GALNT13: variants seen among roughly 807,000 people sequenced by gnomAD.
GALNT13 encodes the protein UDP-GalNAc:polypeptide N-acetylgalactosaminyltransferase 13.
A neutral mutation model predicts 64.2 loss-of-function variants in GALNT13; 28 were observed. The observed-to-expected ratio is 0.44, with a 90% CI of 0.32 to 0.60. The LOEUF is 0.60. Among genes scored for constraint, GALNT13 ranks in the 20% least tolerant of loss-of-function variants. The probability of loss-of-function intolerance (pLI) is 0.05; values close to 1 mark genes in which losing one functional copy is unlikely to be tolerated. For synonymous variants in GALNT13, 214 were observed against 224.6 expected, an observed-to-expected ratio of 0.95 and a Z score of 0.42; for missense variants, 577 against 669.8, an observed-to-expected ratio of 0.86 and a Z score of 1.53.
the GALNT13 span, among the ~76,000 whole-genome samples, chr2:153,603,977 A>G: frequency 6.6e-6 from 1 of 152,004 alleles, no homozygotes; most frequent in Non-Finnish European, 1.5e-5. Context: ...TCCCACAAAT[A>G]CCTTCCGTGT....
intron 11 of GALNT13, among the ~76,000 whole-genome samples, chr2:154,432,945 T>A (rs1264408588): frequency 2.0e-5 from 3 of 152,196 alleles, no homozygotes; most frequent in Non-Finnish European, 4.4e-5. Flanking sequence ...GAGAGATTAG[T>A]TGCCCTCCCT....
At chr2:153,481,896 A>G in the GALNT13 span, among the ~76,000 whole-genome samples, 2 of 152,230 alleles carry the variant, frequency 1.3e-5, no homozygotes, top group African/African-American at 2.4e-5. Flanking sequence ...AAACATTGAA[A>G]GGATATTTAT....
intron 4 of GALNT13, among the ~76,000 whole-genome samples, chr2:154,202,693 TA>T (rs914631994): frequency 1.3e-5 from 2 of 152,120 alleles, no homozygotes; most frequent in East Asian, 1.9e-4. Flanking sequence ...GACACTCTGT[TA>T]AAAAATATTA....
At chr2:153,361,627 T>A in the GALNT13 span, among the ~76,000 whole-genome samples, 1 of 151,798 alleles carries the variant, frequency 6.6e-6, no homozygotes, top group Middle Eastern at 3.2e-3. Flanking sequence ...ATATCAGAGT[T>A]TGAATACCAT....
the GALNT13 span, among the ~76,000 whole-genome samples, chr2:153,490,239 T>C: frequency 6.6e-6 from 1 of 152,210 alleles, no homozygotes; most frequent in Non-Finnish European, 1.5e-5. Flanking sequence ...ATTAATTTAC[T>C]GGAAAATTTT....
the GALNT13 span, among the ~76,000 whole-genome samples, chr2:153,727,653 T>G: frequency 5.8e-4 from 89 of 152,294 alleles, no homozygotes; most frequent in African/African-American, 2.0e-3. Context: ...TTTAGCTATA[T>G]TTTGGGTGTA....
intron 9 of GALNT13, among the ~76,000 whole-genome samples, chr2:154,350,964 A>G (rs1022578516): frequency 6.6e-6 from 1 of 152,138 alleles, no homozygotes; most frequent in Non-Finnish European, 1.5e-5. Context: ...AGAACAGTAA[A>G]CAGTTTGATG....
intron 4 of GALNT13, among the ~76,000 whole-genome samples, chr2:154,238,718 A>T (rs1689324869): frequency 6.6e-6 from 1 of 152,102 alleles, no homozygotes. Context: ...ATTGAGGTAT[A>T]TTTGACAACT....
At chr2:153,677,618 T>C in the GALNT13 span, among the ~76,000 whole-genome samples, 1 of 151,830 alleles carries the variant, frequency 6.6e-6, no homozygotes, top group Non-Finnish European at 1.5e-5. Context: ...CCTAAGCCAA[T>C]GGATGAAGCT....
At chr2:153,463,749 A>G in the GALNT13 span, among the ~76,000 whole-genome samples, 1 of 152,106 alleles carries the variant, frequency 6.6e-6, no homozygotes, top group Admixed American at 6.6e-5. Flanking sequence ...CTGGATCCAT[A>G]GAGGTATGAT....
the GALNT13 span, among the ~76,000 whole-genome samples, chr2:153,769,783 A>G: frequency 1.3e-5 from 2 of 152,132 alleles, no homozygotes; most frequent in Non-Finnish European, 2.9e-5. Flanking sequence ...CAGTTTTTAA[A>G]ATTCTTCATT....
At chr2:153,148,865 A>G in the GALNT13 span, among the ~76,000 whole-genome samples, 2 of 151,916 alleles carry the variant, frequency 1.3e-5, no homozygotes, top group African/African-American at 4.8e-5. Flanking sequence ...TTAACAATCA[A>G]TTTAAAAGCC....
intron 9 of GALNT13, among the ~76,000 whole-genome samples, chr2:154,325,933 C>G (rs139117208): frequency 2.0e-5 from 3 of 152,062 alleles, no homozygotes; most frequent in Non-Finnish European, 4.4e-5. Context: ...ACCCACACTC[C>G]GAGGGCGGGG....
rs1278450610 is a variant in GALNT13, at chr2:154,136,715, T to C, written c.143-3622T>C. Reference sequence around the variant, plus strand: ...TTTTATCATATTTCTAAAAGCTTTATAATGTCATTTTGAGTCAAACTAATT... The same window carrying C: ...TTTTATCATATTTCTAAAAGCTTTACAATGTCATTTTGAGTCAAACTAATT... On this transcript the variant is annotated intron_variant, in intron 3 of 12. Transcript: ENST00000392825. Among the ~76,000 whole-genome samples, 3 of 152,290 alleles carry C rather than the reference T, an allele frequency of 2.0e-5. 1 individual carries two copies. Among genetic ancestry groups the C allele is most frequent in the South Asian group, 4.1e-4 (2 of 4,828 alleles).
intron 1 of GALNT13, among the ~76,000 whole-genome samples, chr2:153,899,284 A>G (rs1262687130): frequency 6.6e-6 from 1 of 152,168 alleles, no homozygotes; most frequent in Non-Finnish European, 1.5e-5. Flanking sequence ...GCTGTGTCAG[A>G]TTGAGCAAGT....
chr2:153,962,264 A>C lies in GALNT13; in HGVS notation c.142+17625A>C, dbSNP rs1320703600. Among the ~76,000 whole-genome samples, 3 of 152,196 alleles carry C rather than the reference A, an allele frequency of 2.0e-5. No homozygotes were observed. The East Asian group carries it at 5.8e-4, about 29-fold the overall frequency. Reference sequence around the variant, plus strand: ...TTCTCCACGATATACAGAGGTTTTCATAAGATCATTGCATATTTACATTGT... The same window carrying C: ...TTCTCCACGATATACAGAGGTTTTCCTAAGATCATTGCATATTTACATTGT... On this transcript the variant is annotated intron_variant, in intron 3 of 12. Transcript: ENST00000392825.
intron 3 of GALNT13, among the ~76,000 whole-genome samples, chr2:154,088,304 C>T (rs1291544137): frequency 1.3e-5 from 2 of 152,160 alleles, no homozygotes; most frequent in East Asian, 1.9e-4. Context: ...TAGATTCAGA[C>T]GCTATTTCCT....
intron 4 of GALNT13, among the ~76,000 whole-genome samples, chr2:154,201,080 A>G (rs910209110): frequency 2.6e-5 from 4 of 152,124 alleles, no homozygotes; most frequent in Non-Finnish European, 4.4e-5. Context: ...AGTGGTATAT[A>G]TAATATGCTT....
the GALNT13 span, among the ~76,000 whole-genome samples, chr2:153,334,822 T>C: frequency 6.6e-6 from 1 of 152,194 alleles, no homozygotes; most frequent in African/African-American, 2.4e-5. Context: ...TCTCCCATGC[T>C]TGAGGACTAT....
Sources: allele counts gnomAD v4.1 joint callset (sites outside exome capture counted in the v4.1 genomes callset), GRCh38; gene constraint gnomAD v4.1.1; transcripts MANE v1.5; gene names NCBI Gene and HGNC (gene_info 2026-07-23, HGNC 2026-07-21).